CTNNA2: variants seen among roughly 807,000 people sequenced by gnomAD.
The protein encoded by CTNNA2 is catenin alpha-2.
Under a neutral mutation model 101.0 loss-of-function variants are expected in CTNNA2, and 42 were observed. The observed-to-expected ratio is 0.42, with a 90% CI of 0.32 to 0.54. The LOEUF (loss-of-function observed/expected upper bound fraction) is 0.54, where lower values mean the gene tolerates loss of function less well. Among genes scored for constraint, CTNNA2 ranks in the 20% least tolerant of loss-of-function variants. The pLI, the probability that CTNNA2 is intolerant of heterozygous loss-of-function variation, is 0.14. For missense variants in CTNNA2, 871 were observed against 1,223.1 expected, an observed-to-expected ratio of 0.71 and a Z score of 4.29; for synonymous variants, 450 against 456.4, an observed-to-expected ratio of 0.99 and a Z score of 0.18.
intron 9 of CTNNA2, among the ~76,000 whole-genome samples, chr2:80,424,621 A>C (rs1217358671): frequency 1.3e-5 from 2 of 152,182 alleles, no homozygotes; most frequent in Admixed American, 1.3e-4. Flanking sequence ...ACTTGAACCT[A>C]GGTTGTAGCA....
chr2:80,564,804 G>A (rs1693908052), intron 12 of CTNNA2, among the ~76,000 whole-genome samples: 1 of 152,156 alleles, frequency 6.6e-6, no homozygotes, highest in African/African-American at 2.4e-5. Flanking sequence ...CTGACAAATA[G>A]CAGCAAATAG....
At chr2:79,516,568 T>TA (rs1287740456) in intron 1 of CTNNA2, among the ~76,000 whole-genome samples, 1 of 152,160 alleles carries the variant, frequency 6.6e-6, no homozygotes, top group Non-Finnish European at 1.5e-5. Context: ...GTAGAGTACA[T>TA]ACAGTCAGAG....
intron 15 of CTNNA2, among the ~76,000 whole-genome samples, chr2:80,602,832 GTGTC>G (rs1222731064): frequency 6.6e-6 from 1 of 151,952 alleles, no homozygotes; most frequent in African/African-American, 2.4e-5. Context: ...CTTAAGTTGT[GTGTC>G]TGTCTTTGTA....
intron 9 of CTNNA2, among the ~76,000 whole-genome samples, chr2:80,455,008 T>TGATATGCG (rs1683844410): frequency 6.6e-6 from 1 of 152,228 alleles, no homozygotes; most frequent in Admixed American, 6.5e-5. Context: ...AAAAGGGAGA[T>TGATATGCG]GATATGCGGA....
At chr2:79,385,676 C>A (rs35185935) in intron 4 of CTNNA2, among the ~76,000 whole-genome samples, 43,273 of 151,644 alleles carry the variant, frequency 0.29, 6,424 homozygotes, top group Middle Eastern at 0.45. Flanking sequence ...AATGCTCTCC[C>A]TCCCCTTGCC....
rs369080663 is a variant in CTNNA2 at position 79,195,921 on chromosome 2, G to C, written c.-523-2038G>C. ...GTGCAGAGGTAGGGTGGAAAGTAGG[G>C]GGATGAACTCAGTTTTTTGTTTGTT... is the stretch of plus-strand genomic sequence containing the variant. On this transcript the variant is annotated intron_variant, in intron 1 of 21. Transcript: ENST00000466387. 94 of 458,572 alleles carry C rather than the reference G, an allele frequency of 2.0e-4. No homozygotes were observed. In the East Asian group the frequency reaches 4.8e-3, roughly 23 times the overall value. 28.4% of individuals were successfully genotyped at this position (458,572 alleles called of 1,614,324 possible). A position where few individuals can be genotyped will look rare whatever the true frequency, so the allele number is the denominator to read the frequency against.
intron 9 of CTNNA2, among the ~76,000 whole-genome samples, chr2:80,435,217 G>A (rs1681925143): frequency 6.6e-6 from 1 of 152,150 alleles, no homozygotes; most frequent in South Asian, 2.1e-4. Flanking sequence ...ATATGCATAT[G>A]CACACTCAGT....
At chr2:80,329,361 A>G (rs1671118648) in intron 7 of CTNNA2, among the ~76,000 whole-genome samples, 1 of 152,224 alleles carries the variant, frequency 6.6e-6, no homozygotes, top group South Asian at 2.1e-4. Context: ...GAAGTAAATG[A>G]AACAGTGTGG....
chr2:79,928,485 A>G (rs1414418306), intron 7 of CTNNA2, among the ~76,000 whole-genome samples: 4 of 152,238 alleles, frequency 2.6e-5, no homozygotes, highest in Non-Finnish European at 4.4e-5. Context: ...TGAAATAACT[A>G]CATTTTGAAC....
chr2:80,155,118 T>C (rs2148934748), intron 7 of CTNNA2, among the ~76,000 whole-genome samples: 1 of 152,334 alleles, frequency 6.6e-6, no homozygotes, highest in East Asian at 1.9e-4. Flanking sequence ...TTTAATCTAT[T>C]GCCACATGCT....
intron 1 of CTNNA2, chr2:79,514,831 A>G (rs1426189799): frequency 6.6e-6 from 1 of 152,252 alleles, no homozygotes; most frequent in Non-Finnish European, 1.5e-5. Flanking sequence ...AGGGACCAAA[A>G]TTAATGGTGG....
intron 7 of CTNNA2, among the ~76,000 whole-genome samples, chr2:79,929,025 C>A (rs1687213605): frequency 6.6e-6 from 1 of 152,094 alleles, no homozygotes; most frequent in Non-Finnish European, 1.5e-5. Flanking sequence ...ATACCACAGC[C>A]CTACATGTGT....
chr2:79,241,181 CTA>C (rs1674621407), intron 2 of CTNNA2, among the ~76,000 whole-genome samples: 1 of 152,096 alleles, frequency 6.6e-6, no homozygotes, highest in Non-Finnish European at 1.5e-5. Flanking sequence ...TTATTGGGTA[CTA>C]ACTAAATAGC....
chr2:80,487,661 T>A (rs1686703603), intron 9 of CTNNA2, among the ~76,000 whole-genome samples: 1 of 152,154 alleles, frequency 6.6e-6, no homozygotes, highest in Non-Finnish European at 1.5e-5. Flanking sequence ...GGAACTACAG[T>A]TCAAGGTGAG....
At chr2:80,075,320 G>T (rs1174711184) in intron 7 of CTNNA2, among the ~76,000 whole-genome samples, 1 of 151,952 alleles carries the variant, frequency 6.6e-6, no homozygotes, top group Admixed American at 6.6e-5. Flanking sequence ...GTGGTCAAGA[G>T]GAGTTAGCTG....
intron 7 of CTNNA2, among the ~76,000 whole-genome samples, chr2:80,111,273 A>T (rs1701193692): frequency 6.6e-6 from 1 of 152,224 alleles, no homozygotes; most frequent in Non-Finnish European, 1.5e-5. Flanking sequence ...CTGTTTTATT[A>T]TTCAGCATCT....
At chr2:80,177,813 C>T (rs1429649497) in intron 7 of CTNNA2, among the ~76,000 whole-genome samples, 2 of 152,146 alleles carry the variant, frequency 1.3e-5, no homozygotes, top group Non-Finnish European at 2.9e-5. Flanking sequence ...TTCCAAATTC[C>T]TGAACATCCA....
At chr2:80,330,041 C>A (rs1671182533) in intron 7 of CTNNA2, among the ~76,000 whole-genome samples, 2 of 152,244 alleles carry the variant, frequency 1.3e-5, no homozygotes, top group Admixed American at 1.3e-4. Context: ...TCCTTCAACT[C>A]CTTGAGTCTG....
At chr2:79,471,605 G>A (rs916646429) in intron 4 of CTNNA2, among the ~76,000 whole-genome samples, 9 of 152,234 alleles carry the variant, frequency 5.9e-5, no homozygotes, top group African/African-American at 2.2e-4. Context: ...TTGGGAGGCT[G>A]AGGCAGGTGG....
Sources: gnomAD v4.1 joint callset for allele counts (sites outside exome capture counted in the v4.1 genomes callset) on GRCh38, gnomAD v4.1.1 for gene constraint, MANE v1.5 for transcripts, NCBI Gene and HGNC (gene_info 2026-07-23, HGNC 2026-07-21) for gene names.